Variants in ACACB observed in about 807,000 individuals in gnomAD.
The protein encoded by ACACB is acetyl-CoA carboxylase beta.
A neutral mutation model predicts 278.8 loss-of-function variants in ACACB; 209 were observed. That is an observed-to-expected ratio of 0.75 (90% CI 0.67 to 0.84). ACACB has a LOEUF of 0.84. Ranked by LOEUF, ACACB falls within the 40% of genes least tolerant of loss-of-function variation. The probability of loss-of-function intolerance (pLI) is 0.00; values close to 1 mark genes in which losing one functional copy is unlikely to be tolerated. For synonymous variants in ACACB, 1,174 were observed against 1,285.6 expected, an observed-to-expected ratio of 0.91 and a Z score of 1.86; for missense variants, 2,850 against 3,269.0, an observed-to-expected ratio of 0.87 and a Z score of 3.13.
At chr12:109,149,733 C>G (rs1048492328) in intron 2 of ACACB, among the ~76,000 whole-genome samples, 2 of 152,204 alleles carry the variant, frequency 1.3e-5, no homozygotes, top group Admixed American at 6.5e-5. Context: ...GGCCCAGGAG[C>G]AGTTATTGCA....
chr12:109,262,266 C>A, intron 48 of ACACB, 91 bp from the exon 49 acceptor site: 1 of 975,386 alleles, frequency 1.0e-6, no homozygotes, highest in Non-Finnish European at 1.6e-6. Flanking sequence ...GATCTTCTGG[C>A]TCTCTTCCCT....
intron 21 of ACACB, 53 bp from the exon 22 acceptor site, chr12:109,212,783 C>A: frequency 6.7e-7 from 1 of 1,489,264 alleles, no homozygotes; most frequent in Non-Finnish European, 9.4e-7. Flanking sequence ...TAGGGGACTG[C>A]TGTGTGTCAT....
chr12:109,238,871 A>T (rs1312917149), intron 34 of ACACB, among the ~76,000 whole-genome samples: 5 of 143,778 alleles, frequency 3.5e-5, no homozygotes, highest in African/African-American at 1.3e-4. Flanking sequence ...GGCCCTATTG[A>T]TGGATATTAA....
intron 4 of ACACB, among the ~76,000 whole-genome samples, chr12:109,170,518 A>G (rs888712940): frequency 6.6e-6 from 1 of 152,198 alleles, no homozygotes; most frequent in Non-Finnish European, 1.5e-5. Context: ...TGAGGACGTT[A>G]TGCTGGTCAC....
At chr12:109,190,042 T>C (rs1040322345) in intron 13 of ACACB, among the ~76,000 whole-genome samples, 3 of 151,840 alleles carry the variant, frequency 2.0e-5, no homozygotes, top group Admixed American at 6.6e-5. Flanking sequence ...ACCTGGGAGA[T>C]GGAGGTTGCA....
At chr12:109,223,257 T>C (rs1593622644) in intron 26 of ACACB, among the ~76,000 whole-genome samples, 1 of 152,196 alleles carries the variant, frequency 6.6e-6, no homozygotes, top group Non-Finnish European at 1.5e-5. Context: ...TCCTGGACTC[T>C]GGCTCATTTA....
At position 109,254,305 on chromosome 12, in the gene ACACB, G is replaced by T. The variant is rs148572580; in HGVS notation, c.6137G>T (p.Arg2046Leu). ...FLPSRAPYDPRWMLAGRPHPT... is the reference protein window; with the variant it reads ...FLPSRAPYDPLWMLAGRPHPT... Reference sequence around the variant, plus strand: ...CCATCCAGAGCTCCCTACGACCCCCGGTGGATGCTTGCAGGAAGGCCTCAC... The same window carrying T: ...CCATCCAGAGCTCCCTACGACCCCCTGTGGATGCTTGCAGGAAGGCCTCAC... Residue 2046 changes from arginine to leucine, a missense_variant, in exon 44 of 53, where the codon CGG becomes CTG. By Grantham distance (102) the Arg-to-Leu change is moderately radical. Transcript: ENST00000338432. The T allele has an allele frequency of 6.2e-7, 1 of 1,611,836 alleles. No individual in the cohort carries two copies. The highest frequency in any genetic ancestry group is 1.4e-5 in the African/African-American group (1 of 73,548).
rs2046660269 is a variant in ACACB at position 109,237,358 on chromosome 12, G to C, written c.4640G>C (p.Arg1547Thr). 6.2e-7 allele frequency: 1 copy of C among 1,614,130 alleles called. No individual in the cohort carries two copies. The highest frequency in any genetic ancestry group is 1.3e-5 in the African/African-American group (1 of 75,030). ...AGGTTCTTCATCCGCGCCATCATCA[G>C]GCACTCTGACCTGATCACAAAGGTA... ...DHRFFIRAII[R>T]HSDLITKEAS... The change falls in exon 34 of 53, where the codon AGG becomes ACG. Residue 1547 changes from arginine to threonine, a missense_variant. Physicochemically the swap from Arg to Thr is moderately conservative, Grantham distance 71. Transcript: ENST00000338432.
Position 109,208,243 on chromosome 12 carries a change from G to T in ACACB, c.3061-922G>T, listed in dbSNP as rs149155293. ...TTTTTTTTTTTTTTTTGGAGACAGG[G>T]TCTTGCTCTGTCTCCCAGGCTGGAG... On this transcript the variant is annotated intron_variant, in intron 20 of 52. Coordinates refer to ENST00000338432, the MANE Select transcript of ACACB (RefSeq NM_001093.4). 1.3e-3 allele frequency among the ~76,000 whole-genome samples: 202 copies of T among 150,376 alleles called. 1 individual carries two copies. Among genetic ancestry groups the T allele is most frequent in the African/African-American group, 4.7e-3 (194 of 40,888 alleles).
chr12:109,262,829 C>T (rs1228860935), intron 49 of ACACB, among the ~76,000 whole-genome samples: 3 of 151,380 alleles, frequency 2.0e-5, no homozygotes, highest in South Asian at 2.1e-4. Context: ...GTTGCCCAGG[C>T]TGTTCTCAAA....
At chr12:109,208,497 C>T (rs563295104) in intron 20 of ACACB, among the ~76,000 whole-genome samples, 8 of 152,294 alleles carry the variant, frequency 5.3e-5, no homozygotes, top group African/African-American at 9.6e-5. Context: ...CATCAGCCAC[C>T]GCACCCCACA....
chr12:109,142,452 C>A (rs2043144942), intron 2 of ACACB, among the ~76,000 whole-genome samples: 1 of 152,160 alleles, frequency 6.6e-6, no homozygotes, highest in African/African-American at 2.4e-5. Context: ...CCTTTCCACC[C>A]ACTGTCTTCC....
At chr12:109,157,307 G>T (rs1209581234) in intron 2 of ACACB, among the ~76,000 whole-genome samples, 2 of 69,476 alleles carry the variant, frequency 2.9e-5, no homozygotes, top group Non-Finnish European at 6.3e-5. Flanking sequence ...TTACAGACAG[G>T]GTCTTGCTCT....
intron 19 of ACACB, among the ~76,000 whole-genome samples, chr12:109,203,854 G>A (rs766185462): frequency 1.8e-4 from 27 of 152,234 alleles, no homozygotes; most frequent in Non-Finnish European, 3.5e-4. Context: ...CACAGTGCTC[G>A]GAGCATAGTG....
chr12:109,194,182 T>G (rs1386669664), intron 16 of ACACB, among the ~76,000 whole-genome samples: 1 of 147,670 alleles, frequency 6.8e-6, no homozygotes, highest in East Asian at 1.9e-4. Flanking sequence ...TGTCTCTGTT[T>G]TTTTTTTTTG....
chr12:109,246,075 G>C, intron 38 of ACACB, 104 bp from the exon 39 acceptor site: 2 of 1,339,794 alleles, frequency 1.5e-6, no homozygotes, highest in South Asian at 3.2e-5. Context: ...GCGCAACAGA[G>C]CAAGACCCTG....
At chr12:109,264,936 C>T (rs1167174819) in intron 50 of ACACB, among the ~76,000 whole-genome samples, 174 bp from the exon 51 acceptor site, 1 of 152,146 alleles carries the variant, frequency 6.6e-6, no homozygotes, top group Non-Finnish European at 1.5e-5. Flanking sequence ...TGACGTCCTG[C>T]CTCTGAGCAG....
intron 24 of ACACB, among the ~76,000 whole-genome samples, chr12:109,218,017 G>A (rs779228482): frequency 2.6e-5 from 4 of 152,216 alleles, no homozygotes; most frequent in Non-Finnish European, 5.9e-5. Flanking sequence ...GAGAGGTTAA[G>A]CCACTTGCCC....
chr12:109,263,182 T>C (rs527904612), intron 49 of ACACB: 58 of 151,928 alleles, frequency 3.8e-4, no homozygotes, highest in African/African-American at 1.4e-3. Context: ...TATTTATTTA[T>C]TTGTTTATTT....
Sources: gnomAD v4.1 joint callset for allele counts (sites outside exome capture counted in the v4.1 genomes callset) on GRCh38, gnomAD v4.1.1 for gene constraint, MANE v1.5 for transcripts, NCBI Gene and HGNC (gene_info 2026-07-23, HGNC 2026-07-21) for gene names.